The following NMD3 variants were observed in gnomAD, a reference collection of about 807,000 sequenced individuals.
NMD3 encodes 60S ribosomal export protein NMD3.
NMD3 carries 47 observed loss-of-function variants against 73.1 expected under a neutral mutation model. The ratio of observed to expected loss-of-function variants is 0.64; its 90% CI spans 0.51 to 0.82. NMD3 has a LOEUF of 0.82. NMD3 is among the 40% of genes least tolerant of loss of function. NMD3 has a pLI of 0.00. For missense variants in NMD3, 554 were observed against 612.5 expected, an observed-to-expected ratio of 0.90 and a Z score of 1.01; for synonymous variants, 210 against 194.5, an observed-to-expected ratio of 1.08 and a Z score of -0.66.
At chr3:161,245,959 T>TTGCTTTAGA (rs1295909481) in intron 11 of NMD3, among the ~76,000 whole-genome samples, 1 of 152,168 alleles carries the variant, frequency 6.6e-6, no homozygotes, top group Non-Finnish European at 1.5e-5. Flanking sequence ...GAATACGTTC[T>TTGCTTTAGA]TGCTTTAAGA....
intron 11 of NMD3, among the ~76,000 whole-genome samples, chr3:161,244,639 C>CTT (rs11336851): frequency 7.8e-6 from 1 of 128,854 alleles, no homozygotes; most frequent in African/African-American, 2.9e-5. Context: ...ATTTCTTTTC[C>CTT]TTTTTTTTTT....
chr3:161,222,130 A>G (rs1421929099), intron 2 of NMD3, 73 bp downstream of exon 2: 8 of 1,223,022 alleles, frequency 6.5e-6, no homozygotes, highest in African/African-American at 3.0e-5. Flanking sequence ...CACTATGGAG[A>G]ACGCTTGAGG....
intron 6 of NMD3, 63 bp from the exon 7 acceptor site, chr3:161,235,059 T>C: frequency 1.1e-6 from 1 of 880,684 alleles, no homozygotes; most frequent in Admixed American, 2.3e-5. Context: ...ATAGTATGTG[T>C]GTCCTATACC....
At chr3:161,241,413 A>G (rs1736979400) in intron 10 of NMD3, among the ~76,000 whole-genome samples, 1 of 148,950 alleles carries the variant, frequency 6.7e-6, no homozygotes, top group African/African-American at 2.5e-5. Context: ...ATTTTTACTG[A>G]AATTGACTTT....
chr3:161,227,334 T>C lies in NMD3; in HGVS notation c.267T>C (p.Pro89=). 1.2e-6 allele frequency: 2 copies of C among 1,601,824 alleles called. No homozygotes were observed. Among genetic ancestry groups the C allele is most frequent in the South Asian group, 1.1e-5 (1 of 90,764 alleles). The change falls in exon 4 of 16, where the codon CCT becomes CCC. Residue 89 remains proline (P), a synonymous_variant. Coordinates refer to ENST00000351193, the MANE Select transcript of NMD3 (RefSeq NM_015938.5). The part of the protein sequence containing the change: ...LALCLKKIKA[P]LSKVRLVDAG... ...TGTGCTTGAAAAAAATCAAAGCCCC[T>C]CTGAGTAAGGTAAGTTAAACAGCTA...
intron 2 of NMD3, among the ~76,000 whole-genome samples, chr3:161,224,575 C>T (rs62278056): frequency 0.032 from 4,844 of 152,232 alleles, 101 homozygotes; most frequent in Middle Eastern, 0.061. Context: ...ACTGCAACTT[C>T]CACCTCCTGG....
chr3:161,248,953 A>G (rs997546196), intron 13 of NMD3, among the ~76,000 whole-genome samples: 1 of 152,228 alleles, frequency 6.6e-6, no homozygotes, highest in African/African-American at 2.4e-5. Flanking sequence ...TAACAAGGTC[A>G]TAAGAGGAGA....
intron 9 of NMD3, among the ~76,000 whole-genome samples, chr3:161,240,307 A>G (rs1375041482): frequency 6.6e-6 from 1 of 152,128 alleles, no homozygotes; most frequent in African/African-American, 2.4e-5. Context: ...CTTTGATTGT[A>G]TATTGGCACA....
rs777196677 is a variant in NMD3, at chr3:161,227,382, T to C, written c.276+39T>C. On this transcript the variant is annotated intron_variant, in intron 4 of 15. Transcript: ENST00000351193. ...CTAAAATCAGTATTCATAGGTATGT[T>C]TTCATTAAAGGTCTCATTTTCAGAA... is the stretch of plus-strand genomic sequence containing the variant. The C allele has an allele frequency of 5.6e-6, 7 of 1,241,994 alleles. 1 individual carries two copies. In the South Asian group the frequency reaches 9.0e-5, roughly 16 times the overall value. The allele number at this position is 1,241,994 out of a possible 1,614,324, so 76.9% of individuals were successfully genotyped here. A position where few individuals can be genotyped will look rare whatever the true frequency, so the allele number is the denominator to read the frequency against.
At chr3:161,243,061 T>C (rs1175796044) in intron 11 of NMD3, among the ~76,000 whole-genome samples, 1 of 152,094 alleles carries the variant, frequency 6.6e-6, no homozygotes, top group Non-Finnish European at 1.5e-5. Flanking sequence ...GAAAATGTTG[T>C]TACCATACCT....
chr3:161,222,149 G>T, intron 2 of NMD3, 92 bp downstream of exon 2: 1 of 990,776 alleles, frequency 1.0e-6, no homozygotes, highest in Non-Finnish European at 1.6e-6. Flanking sequence ...GGGTGGGTGG[G>T]AAAGAGCGTA....
At chr3:161,221,117 C>T (rs1736046113), upstream of NMD3, 1 of 152,118 alleles carries the variant, frequency 6.6e-6, no homozygotes. Context: ...CTGGGAAAAT[C>T]GAGACGATAA....
At chr3:161,235,264 A>G in intron 7 of NMD3, 52 bp downstream of exon 7, 1 of 844,930 alleles carries the variant, frequency 1.2e-6, no homozygotes, top group Non-Finnish European at 1.9e-6. Flanking sequence ...TTATTTCAAC[A>G]TACCTAAGTA....
intron 5 of NMD3, 152 bp from the exon 6 acceptor site, chr3:161,234,575 T>G: frequency 1.9e-6 from 1 of 534,524 alleles, no homozygotes; most frequent in East Asian, 3.4e-5. Context: ...GTATAACTTG[T>G]TTTTATGACT....
At position 161,233,381 on chromosome 3, in the gene NMD3, G is replaced by T. The variant is rs761931882; in HGVS notation, c.277-18G>T. ...TAGGTGAGAACTTACGTTTCTTTTT[G>T]TTTGTGTTTTATTGAAGGTACGGCT... On this transcript the variant is annotated intron_variant, in intron 4 of 15. Coordinates refer to ENST00000351193, the MANE Select transcript of NMD3 (RefSeq NM_015938.5). 15 of 1,583,114 alleles carry T rather than the reference G, an allele frequency of 9.5e-6. No homozygotes were observed. Among genetic ancestry groups the T allele is most frequent in the Non-Finnish European group, 1.3e-5 (15 of 1,159,452 alleles).
rs771217428 is a variant in NMD3, at chr3:161,250,906, CAT to C, written c.1510_1511del (p.Ter504MetfsTer20). The C allele has an allele frequency of 6.2e-7, 1 of 1,611,102 alleles. No homozygotes were observed. Among genetic ancestry groups the C allele is most frequent in the Non-Finnish European group, 8.5e-7 (1 of 1,178,122 alleles). On this transcript the variant is annotated frameshift_variant and stop_lost, in exon 16 of 16. Transcript: ENST00000351193. LOFTEE classifies it high-confidence loss of function. Reference sequence around the variant, plus strand: ...GGTGAAGAAGGTGCATCAATGCTGACATAATGAGATGTTGTAGACTGTTTCCA... The same window carrying C: ...GGTGAAGAAGGTGCATCAATGCTGACAATGAGATGTTGTAGACTGTTTCCA...
chr3:161,235,070 T>A, intron 6 of NMD3, 52 bp from the exon 7 acceptor site: 1 of 987,902 alleles, frequency 1.0e-6, no homozygotes, highest in Non-Finnish European at 1.6e-6. Flanking sequence ...GTCCTATACC[T>A]ATAAATGGCT....
chr3:161,239,415 G>A (rs890573864), intron 9 of NMD3, among the ~76,000 whole-genome samples: 3 of 152,088 alleles, frequency 2.0e-5, no homozygotes, highest in Non-Finnish European at 2.9e-5. Flanking sequence ...GTGTACTGAG[G>A]ATTGTATAAC....
chr3:161,233,606 T>C, intron 5 of NMD3, 127 bp downstream of exon 5: 2 of 535,712 alleles, frequency 3.7e-6, no homozygotes, highest in Non-Finnish European at 6.6e-6. Flanking sequence ...TAGCTGTTTG[T>C]TTTCTTTTGA....
Sources: gnomAD v4.1 joint callset for allele counts (sites outside exome capture counted in the v4.1 genomes callset) on GRCh38, gnomAD v4.1.1 for gene constraint, MANE v1.5 for transcripts, NCBI Gene and HGNC (gene_info 2026-07-23, HGNC 2026-07-21) for gene names.